Variants in ATP10B observed in about 807,000 individuals in gnomAD.
ATP10B encodes the protein phospholipid-transporting ATPase VB.
In ATP10B, 122 loss-of-function variants were observed where a neutral mutation model predicts 141.2. That is an observed-to-expected ratio of 0.86 (90% CI 0.75 to 1.00). The LOEUF is 1.00. Among genes scored for constraint, ATP10B ranks in the 50% least tolerant of loss-of-function variants. The pLI is 0.00. For missense variants in ATP10B, 1,876 were observed against 1,825.3 expected, an observed-to-expected ratio of 1.03 and a Z score of -0.51; for synonymous variants, 685 against 692.0, an observed-to-expected ratio of 0.99 and a Z score of 0.16.
chr5:160,563,778 G>A lies in ATP10B; in HGVS notation c.*1675C>T, dbSNP rs1754386909. 6.6e-6 allele frequency: 1 copy of A among 152,156 alleles called. No individual in the cohort carries two copies. The highest frequency in any genetic ancestry group is 2.4e-5 in the African/African-American group (1 of 41,444). 9.4% of individuals were successfully genotyped at this position (152,156 alleles called of 1,614,324 possible). A position where few individuals can be genotyped will look rare whatever the true frequency, so the allele number is the denominator to read the frequency against. Reference sequence around the variant, plus strand: ...AATTGGGGGAAAAATTGAGGTACCTGAGATCCAAGTTTTGACTCAATCCCC... The same window carrying A: ...AATTGGGGGAAAAATTGAGGTACCTAAGATCCAAGTTTTGACTCAATCCCC... On this transcript the variant is annotated 3_prime_UTR_variant, in exon 26 of 26. Transcript: ENST00000327245.
intron 24 of ATP10B, among the ~76,000 whole-genome samples, chr5:160,576,023 C>T (rs1439655823): frequency 6.6e-6 from 1 of 152,190 alleles, no homozygotes; most frequent in Non-Finnish European, 1.5e-5. Context: ...ACTGGCTCAG[C>T]AACCACAGCG....
chr5:160,724,785 T>G (rs144967071), intron 2 of ATP10B, among the ~76,000 whole-genome samples: 1 of 152,368 alleles, frequency 6.6e-6, no homozygotes, highest in East Asian at 1.9e-4. Context: ...TGTTTCTTGC[T>G]CTTTTTAATG....
Position 160,728,947 on chromosome 5 carries a change from G to C in ATP10B, c.-330-11913C>G, listed in dbSNP as rs533161314. ...GAAAATGAAAATCAAGCAAGGCCTG[G>C]GAATGGTGGTTTGTTGCTAACAAGG... is the stretch of plus-strand genomic sequence containing the variant. On this transcript the variant is annotated intron_variant, in intron 2 of 25. Coordinates refer to ENST00000327245, the MANE Select transcript of ATP10B (RefSeq NM_025153.3). Among the ~76,000 whole-genome samples, 13 of 152,298 alleles carry C rather than the reference G, an allele frequency of 8.5e-5. No individual in the cohort carries two copies. The South Asian group carries it at 2.7e-3, about 32-fold the overall frequency.
At chr5:160,882,328 T>A in the ATP10B span, among the ~76,000 whole-genome samples, 3 of 152,290 alleles carry the variant, frequency 2.0e-5, no homozygotes, top group South Asian at 6.2e-4. Context: ...GGGATGTTGA[T>A]AATGGGAGAG....
At chr5:160,794,844 T>C (rs1458886643) in intron 1 of ATP10B, among the ~76,000 whole-genome samples, 1 of 152,214 alleles carries the variant, frequency 6.6e-6, no homozygotes, top group East Asian at 1.9e-4. Flanking sequence ...TAGCACAATG[T>C]TTATTTCATT....
chr5:160,784,545 T>G (rs1770991601), intron 2 of ATP10B, among the ~76,000 whole-genome samples: 1 of 152,190 alleles, frequency 6.6e-6, no homozygotes, highest in Non-Finnish European at 1.5e-5. Flanking sequence ...TAGTTGTTGT[T>G]GTTGTTTTTA....
chr5:160,865,227 T>C, the ATP10B span, among the ~76,000 whole-genome samples: 271 of 152,126 alleles, frequency 1.8e-3, no homozygotes, highest in African/African-American at 6.3e-3. Context: ...AAAATAGGCA[T>C]ATAGACCAAT....
intron 1 of ATP10B, among the ~76,000 whole-genome samples, chr5:160,848,342 T>A (rs1270951457): frequency 6.6e-6 from 1 of 152,200 alleles, no homozygotes; most frequent in Non-Finnish European, 1.5e-5. Context: ...ACCATTTCTA[T>A]GATGTTGGTA....
rs13210177 is a variant in ATP10B, at chr5:160,714,927, G to A, written c.-205+1982C>T. Among the ~76,000 whole-genome samples, 1,228 of 141,146 alleles carry A rather than the reference G, an allele frequency of 8.7e-3. 26 individuals carry two copies. Among genetic ancestry groups the A allele is most frequent in the Non-Finnish European group, 7.6e-3 (489 of 64,672 alleles). 92.6% of individuals were successfully genotyped at this position (141,146 alleles called of 152,430 possible). A position where few individuals can be genotyped will look rare whatever the true frequency, so the allele number is the denominator to read the frequency against. On this transcript the variant is annotated intron_variant, in intron 3 of 25. Coordinates refer to ENST00000327245, the MANE Select transcript of ATP10B (RefSeq NM_025153.3). ...GGGGTGCCTCCCAGTTAGGCTGCTCGGGGGTCAGGGGTCAGGGACCCACTT... is the reference window on the plus strand; with the variant it reads ...GGGGTGCCTCCCAGTTAGGCTGCTCAGGGGTCAGGGGTCAGGGACCCACTT...
chr5:160,827,513 T>C (rs1219944980), intron 1 of ATP10B, among the ~76,000 whole-genome samples: 1 of 152,190 alleles, frequency 6.6e-6, no homozygotes, highest in Non-Finnish European at 1.5e-5. Context: ...GTTTCTTGCT[T>C]GTTAAGTTAC....
chr5:160,681,105 A>C (rs1763373322), intron 6 of ATP10B, among the ~76,000 whole-genome samples: 1 of 152,140 alleles, frequency 6.6e-6, no homozygotes, highest in South Asian at 2.1e-4. Context: ...GTAATGACTT[A>C]AGCCAAGGAA....
the ATP10B span, among the ~76,000 whole-genome samples, chr5:160,916,288 G>A: frequency 1.3e-5 from 2 of 152,204 alleles, no homozygotes; most frequent in Admixed American, 6.5e-5. Flanking sequence ...CTGGGCTCCA[G>A]CCCTTGTTTT....
chr5:160,854,734 T>C (rs116268397), upstream of ATP10B, among the ~76,000 whole-genome samples: 932 of 152,254 alleles, frequency 6.1e-3, 15 homozygotes, highest in African/African-American at 0.022. Flanking sequence ...CCTTGAAGAA[T>C]CTCCGCACTG....
intron 2 of ATP10B, among the ~76,000 whole-genome samples, chr5:160,784,344 G>A (rs1047304587): frequency 6.6e-5 from 10 of 152,090 alleles, no homozygotes; most frequent in Admixed American, 2.0e-4. Context: ...ACTACTGCAG[G>A]TAATTTTCAG....
intron 3 of ATP10B, among the ~76,000 whole-genome samples, chr5:160,709,007 T>G (rs1231927088): frequency 6.6e-6 from 1 of 152,150 alleles, no homozygotes; most frequent in South Asian, 2.1e-4. Context: ...AGATATGGCC[T>G]TGCAAATCAG....
At chr5:160,581,135 G>A (rs900012887) in intron 24 of ATP10B, among the ~76,000 whole-genome samples, 2 of 152,014 alleles carry the variant, frequency 1.3e-5, no homozygotes, top group Non-Finnish European at 2.9e-5. Context: ...AGGGTTTTTT[G>A]TGTTTCTATC....
the ATP10B span, among the ~76,000 whole-genome samples, chr5:160,885,603 C>T: frequency 1.2e-4 from 18 of 152,092 alleles, no homozygotes; most frequent in South Asian, 2.1e-4. Flanking sequence ...GGGAACTCAG[C>T]CTGAATTAAT....
chr5:160,926,945 T>C, the ATP10B span, among the ~76,000 whole-genome samples: 1 of 152,242 alleles, frequency 6.6e-6, no homozygotes, highest in South Asian at 2.1e-4. Flanking sequence ...AAGAGCTGTA[T>C]TGTGCTGTTT....
At chr5:160,857,713 A>G in the ATP10B span, among the ~76,000 whole-genome samples, 1 of 151,640 alleles carries the variant, frequency 6.6e-6, no homozygotes, top group African/African-American at 2.4e-5. Flanking sequence ...TGTATTTTAA[A>G]TTTTTGTTCA....
Sources: gnomAD v4.1 joint callset for allele counts (sites outside exome capture counted in the v4.1 genomes callset) on GRCh38, gnomAD v4.1.1 for gene constraint, MANE v1.5 for transcripts, NCBI Gene and HGNC (gene_info 2026-07-23, HGNC 2026-07-21) for gene names.